The following ITPR2 variants were observed in gnomAD, a reference collection of about 807,000 sequenced individuals.
ITPR2 encodes the protein inositol 1,4,5-trisphosphate-gated calcium channel ITPR2.
A neutral mutation model predicts 317.1 loss-of-function variants in ITPR2; 207 were observed. The ratio of observed to expected loss-of-function variants is 0.65; its 90% CI spans 0.58 to 0.73. ITPR2 has a LOEUF of 0.73. ITPR2 is among the 30% of genes least tolerant of loss of function. The probability of loss-of-function intolerance (pLI) is 0.00; values close to 1 mark genes in which losing one functional copy is unlikely to be tolerated. For missense variants in ITPR2, 2,613 were observed against 3,284.0 expected (o/e 0.80, Z 4.99); for synonymous variants, 1,156 against 1,149.1 (o/e 1.01, Z -0.12).
At chr12:26,364,380 G>A (rs1938938187) in intron 55 of ITPR2, among the ~76,000 whole-genome samples, 1 of 152,020 alleles carries the variant, frequency 6.6e-6, no homozygotes, top group Non-Finnish European at 1.5e-5. Context: ...ATAATTCCTG[G>A]CACAAAATAA....
At chr12:26,455,808 T>C (rs140974698) in intron 45 of ITPR2, among the ~76,000 whole-genome samples, 1 of 152,338 alleles carries the variant, frequency 6.6e-6, no homozygotes, top group African/African-American at 2.4e-5. Context: ...TATAGGTATA[T>C]GAACAAAGTT....
Position 26,611,295 on chromosome 12 carries a change from G to C in ITPR2, c.3463-8589C>G, listed in dbSNP as rs73292145. Among the ~76,000 whole-genome samples the C allele has an allele frequency of 6.2e-3, 950 of 152,238 alleles. 16 individuals are homozygous for C. Among genetic ancestry groups the C allele is most frequent in the African/African-American group, 0.021 (864 of 41,528 alleles). On this transcript the variant is annotated intron_variant, in intron 26 of 56. Transcript: ENST00000381340. ...AGACAACCCAGAGTGAGCCCCTAGG[G>C]ACATTTTTTAGTTAATTCTGTTCCT...
chr12:26,673,215 A>G (rs1384108416), intron 13 of ITPR2, among the ~76,000 whole-genome samples: 4 of 152,182 alleles, frequency 2.6e-5, no homozygotes, highest in African/African-American at 9.7e-5. Flanking sequence ...TCATCCTGAT[A>G]CCAAAGCTGG....
intron 4 of ITPR2, among the ~76,000 whole-genome samples, chr12:26,724,192 G>A (rs551530159): frequency 2.4e-4 from 37 of 152,152 alleles, no homozygotes; most frequent in Non-Finnish European, 4.0e-4. Context: ...TGAAACACAG[G>A]AAAGGAATGC....
chr12:26,603,785 T>G (rs1485879583), intron 26 of ITPR2, among the ~76,000 whole-genome samples: 1 of 152,166 alleles, frequency 6.6e-6, no homozygotes, highest in African/African-American at 2.4e-5. Context: ...AGAAGTCACC[T>G]TAGCCAAAGG....
intron 2 of ITPR2, among the ~76,000 whole-genome samples, chr12:26,786,389 C>T: frequency 7.6e-6 from 1 of 131,904 alleles, no homozygotes; most frequent in African/African-American, 3.1e-5. Flanking sequence ...ACCTTCCCTC[C>T]ACTATTGTCC....
At chr12:26,826,885 C>G (rs1460561507) in intron 1 of ITPR2, among the ~76,000 whole-genome samples, 1 of 152,164 alleles carries the variant, frequency 6.6e-6, no homozygotes, top group Admixed American at 6.6e-5. Context: ...ATGCTCAGTC[C>G]CTACTCTGTG....
intron 1 of ITPR2, among the ~76,000 whole-genome samples, chr12:26,812,382 T>A (rs1950768970): frequency 2.0e-5 from 3 of 151,888 alleles, no homozygotes; most frequent in Admixed American, 1.3e-4. Context: ...ATCGAGACCA[T>A]CCTGGCTAAC....
intron 2 of ITPR2, among the ~76,000 whole-genome samples, chr12:26,733,006 T>C (rs1179657493): frequency 1.3e-5 from 2 of 152,180 alleles, no homozygotes; most frequent in Admixed American, 1.3e-4. Context: ...AAAGCATCTA[T>C]TAATGTATTT....
At chr12:26,589,648 G>A (rs900501398) in intron 32 of ITPR2, among the ~76,000 whole-genome samples, 37 of 145,700 alleles carry the variant, frequency 2.5e-4, no homozygotes, top group African/African-American at 6.2e-4. Flanking sequence ...TTAGTCAGGC[G>A]TGGTGGCGGG....
chr12:26,663,178 T>C (rs1947541005), intron 15 of ITPR2, among the ~76,000 whole-genome samples: 1 of 152,186 alleles, frequency 6.6e-6, no homozygotes, highest in Non-Finnish European at 1.5e-5. Flanking sequence ...AAAATGATTC[T>C]CATCCTACCC....
chr12:26,590,711 G>A (rs1315443579), intron 32 of ITPR2, among the ~76,000 whole-genome samples: 1 of 152,124 alleles, frequency 6.6e-6, no homozygotes, highest in African/African-American at 2.4e-5. Context: ...ATTGGTCTGG[G>A]CAAAAATTTC....
At chr12:26,722,699 C>G (rs74684439) in intron 4 of ITPR2, 144 bp from the exon 5 acceptor site, 1 of 551,484 alleles carries the variant, frequency 1.8e-6, no homozygotes, top group African/African-American at 1.9e-5. Context: ...AGCCTCCACA[C>G]TCACCATCTT....
intron 46 of ITPR2, 144 bp from the exon 47 acceptor site, chr12:26,439,463 C>A (rs1565527649): frequency 3.6e-6 from 2 of 557,206 alleles, no homozygotes; most frequent in South Asian, 2.9e-5. Flanking sequence ...TGAAAGAACC[C>A]TTTTTACTAT....
intron 49 of ITPR2, among the ~76,000 whole-genome samples, chr12:26,421,905 T>A (rs1354726139): frequency 6.6e-6 from 1 of 152,092 alleles, no homozygotes; most frequent in African/African-American, 2.4e-5. Context: ...AGGGATGGAA[T>A]TGAAACAGCA....
chr12:26,560,478 G>A (rs1944785033), intron 35 of ITPR2, among the ~76,000 whole-genome samples: 1 of 152,092 alleles, frequency 6.6e-6, no homozygotes, highest in Non-Finnish European at 1.5e-5. Flanking sequence ...AAAATAAACA[G>A]TCTTAATGAT....
At chr12:26,644,655 TACTC>T (rs1405737871) in intron 21 of ITPR2, among the ~76,000 whole-genome samples, 9 of 152,032 alleles carry the variant, frequency 5.9e-5, no homozygotes, top group Non-Finnish European at 1.2e-4. Flanking sequence ...TCATGAGACT[TACTC>T]ACTAACACAA....
chr12:26,469,308 T>C (rs1017090866), intron 45 of ITPR2, among the ~76,000 whole-genome samples: 2 of 152,304 alleles, frequency 1.3e-5, no homozygotes, highest in Admixed American at 1.3e-4. Context: ...AGGTGATTAG[T>C]GTAATAGTCA....
chr12:26,722,043 C>T (rs1948848316), intron 5 of ITPR2, among the ~76,000 whole-genome samples: 1 of 152,154 alleles, frequency 6.6e-6, no homozygotes, highest in African/African-American at 2.4e-5. Flanking sequence ...ATTCAAAGGG[C>T]ACACACTATT....
Sources: gnomAD v4.1 joint callset for allele counts (sites outside exome capture counted in the v4.1 genomes callset) on GRCh38, gnomAD v4.1.1 for gene constraint, MANE v1.5 for transcripts, NCBI Gene and HGNC (gene_info 2026-07-23, HGNC 2026-07-21) for gene names.